Variants in OSBP2 observed in about 807,000 individuals in gnomAD.
The protein encoded by OSBP2 is oxysterol binding protein 2, also known as oxysterol-binding protein 2.
In OSBP2, 66 loss-of-function variants were observed where a neutral mutation model predicts 96.0. The ratio of observed to expected loss-of-function variants is 0.69; its 90% CI spans 0.56 to 0.84. The LOEUF (loss-of-function observed/expected upper bound fraction) is 0.84, where lower values mean the gene tolerates loss of function less well. Among genes scored for constraint, OSBP2 ranks in the 40% least tolerant of loss-of-function variants. The pLI is 0.00. For synonymous variants in OSBP2, 525 were observed against 520.9 expected (o/e 1.01, Z -0.11); for missense variants, 1,038 against 1,222.7 (o/e 0.85, Z 2.25).
intron 12 of OSBP2, among the ~76,000 whole-genome samples, chr22:30,898,083 A>C (rs1316463585): frequency 2.0e-5 from 3 of 152,212 alleles, no homozygotes; most frequent in Non-Finnish European, 4.4e-5. Flanking sequence ...TATTAGAGAA[A>C]GTTCAACATA....
At chr22:30,887,776 A>G (rs932132116) in intron 4 of OSBP2, among the ~76,000 whole-genome samples, 158 bp downstream of exon 4, 2 of 152,146 alleles carry the variant, frequency 1.3e-5, no homozygotes, top group East Asian at 1.9e-4. Flanking sequence ...TGTATCTCCC[A>G]TGTCCATCAC....
At chr22:30,733,521 G>A (rs562377077) in intron 1 of OSBP2, among the ~76,000 whole-genome samples, 3 of 152,126 alleles carry the variant, frequency 2.0e-5, no homozygotes, top group Non-Finnish European at 2.9e-5. Context: ...CCAGCTTGTC[G>A]GTGACCACTC....
At chr22:30,793,630 T>C (rs1418313860) in intron 2 of OSBP2, among the ~76,000 whole-genome samples, 1 of 151,696 alleles carries the variant, frequency 6.6e-6, no homozygotes, top group Non-Finnish European at 1.5e-5. Context: ...TGCAAAAAAA[T>C]ACAAAAATTA....
chr22:30,702,102 C>G (rs1203048488), intron 1 of OSBP2, among the ~76,000 whole-genome samples: 2 of 152,152 alleles, frequency 1.3e-5, no homozygotes, highest in Non-Finnish European at 2.9e-5. Context: ...GCTGCCTCTT[C>G]CCTCCCTCAT....
At chr22:30,787,997 G>A (rs2090618545) in intron 2 of OSBP2, among the ~76,000 whole-genome samples, 1 of 152,194 alleles carries the variant, frequency 6.6e-6, no homozygotes, top group Admixed American at 6.5e-5. Context: ...TCAGTAGGCA[G>A]AGCCAAGCTC....
At chr22:30,872,455 C>G (rs912950473) in intron 3 of OSBP2, 3 of 445,530 alleles carry the variant, frequency 6.7e-6, no homozygotes, top group African/African-American at 6.0e-5. Context: ...ACATCAGAGG[C>G]TCATCTGTGT....
chr22:30,707,392 C>T (rs551967251), intron 1 of OSBP2, among the ~76,000 whole-genome samples: 305 of 152,192 alleles, frequency 2.0e-3, no homozygotes, highest in Non-Finnish European at 3.1e-3. Flanking sequence ...CCACCGTGCC[C>T]GGCCTTAAGT....
chr22:30,871,308 C>T lies in OSBP2; in HGVS notation c.1107+626C>T, dbSNP rs954964704. 2.0e-5 allele frequency among the ~76,000 whole-genome samples: 3 copies of T among 151,994 alleles called. No homozygotes were observed. Among genetic ancestry groups the T allele is most frequent in the Non-Finnish European group, 4.4e-5 (3 of 67,988 alleles). ...AAGCCACACGGCTAGGACTGGGAGC[C>T]AGGAGGGTGTCTCGATGGTGGTAGG... On this transcript the variant is annotated intron_variant, in intron 3 of 13. Transcript: ENST00000332585. This position sits in a 1 kb window ranked among gnomAD's most constrained non-coding sequence, Gnocchi z 4.7.
chr22:30,867,235 T>A (rs2039358184), intron 2 of OSBP2, among the ~76,000 whole-genome samples: 1 of 152,144 alleles, frequency 6.6e-6, no homozygotes, highest in Non-Finnish European at 1.5e-5. Context: ...CAGTCTTGTC[T>A]TTCCCATGGA....
chr22:30,780,401 A>G (rs1029543248), intron 2 of OSBP2, among the ~76,000 whole-genome samples: 1 of 152,236 alleles, frequency 6.6e-6, no homozygotes, highest in Admixed American at 6.5e-5. Flanking sequence ...CCCGACACGC[A>G]TGACACGGAG....
intron 1 of OSBP2, among the ~76,000 whole-genome samples, chr22:30,720,855 G>C (rs917858060): frequency 1.3e-5 from 2 of 152,148 alleles, no homozygotes; most frequent in Admixed American, 1.3e-4. Context: ...GCCTCCTTGG[G>C]GAGCAGCCAG....
At chr22:30,745,050 C>T (rs888425850) in intron 2 of OSBP2, among the ~76,000 whole-genome samples, 2 of 152,134 alleles carry the variant, frequency 1.3e-5, no homozygotes, top group Admixed American at 1.3e-4. Flanking sequence ...AGTTAAACAA[C>T]ATACTCTTAA....
chr22:30,823,810 G>A (rs973780709), intron 2 of OSBP2, among the ~76,000 whole-genome samples: 6 of 152,350 alleles, frequency 3.9e-5, no homozygotes, highest in Admixed American at 1.3e-4. Flanking sequence ...TTCGTCCAAA[G>A]TGTGTGTTCT....
intron 2 of OSBP2, among the ~76,000 whole-genome samples, chr22:30,866,724 G>A (rs1373191925): frequency 6.7e-6 from 1 of 149,766 alleles, no homozygotes; most frequent in Non-Finnish European, 1.5e-5. Context: ...GCGACAGCGC[G>A]AGACTCTGTC....
chr22:30,789,141 C>T (rs749584271), intron 2 of OSBP2, among the ~76,000 whole-genome samples: 2 of 152,092 alleles, frequency 1.3e-5, no homozygotes, highest in Non-Finnish European at 2.9e-5. Flanking sequence ...AGACCATGTC[C>T]CTGCAGGAAC....
intron 2 of OSBP2, among the ~76,000 whole-genome samples, chr22:30,850,849 C>T (rs1433973098): frequency 1.3e-5 from 2 of 152,132 alleles, no homozygotes; most frequent in African/African-American, 2.4e-5. Flanking sequence ...AACAAAAAGT[C>T]TCCTGGGTTA....
At chr22:30,771,489 G>T (rs1349923019) in intron 2 of OSBP2, among the ~76,000 whole-genome samples, 1 of 152,218 alleles carries the variant, frequency 6.6e-6, no homozygotes, top group Non-Finnish European at 1.5e-5. Context: ...CCCTGCCCAT[G>T]TATGGCACAC....
upstream of OSBP2, chr22:30,694,850 GC>G: frequency 1.3e-6 from 1 of 776,254 alleles, no homozygotes; most frequent in Non-Finnish European, 1.7e-6. Context: ...CCCCGGCCCC[GC>G]CCCCGGCCTG....
chr22:30,872,566 C>T (rs2147113817), intron 3 of OSBP2: 1 of 360,736 alleles, frequency 2.8e-6, no homozygotes, highest in South Asian at 2.1e-5. Context: ...TCTGCAGCTC[C>T]AGCATCCGGG....
Sources: gnomAD v4.1 joint callset for allele counts (sites outside exome capture counted in the v4.1 genomes callset) on GRCh38, gnomAD v4.1.1 for gene constraint, Gnocchi (gnomAD v3.1) non-coding constraint, MANE v1.5 for transcripts, NCBI Gene and HGNC (gene_info 2026-07-23, HGNC 2026-07-21) for gene names.